GPM6A: variants seen among roughly 807,000 people sequenced by gnomAD.
The protein encoded by GPM6A is glycoprotein M6A.
A neutral mutation model predicts 32.1 loss-of-function variants in GPM6A; 7 were observed. The observed-to-expected ratio is 0.22, with a 90% confidence interval of 0.12 to 0.41. The LOEUF is 0.41. GPM6A is among the 10% of genes least tolerant of loss of function. The pLI, the probability that GPM6A is intolerant of heterozygous loss-of-function variation, is 1.00. For synonymous variants in GPM6A, 130 were observed against 123.4 expected, an observed-to-expected ratio of 1.05 and a Z score of -0.35; for missense variants, 235 against 347.2, an observed-to-expected ratio of 0.68 and a Z score of 2.57.
At chr4:175,893,528 G>A (rs993757137) in intron 1 of GPM6A, among the ~76,000 whole-genome samples, 3 of 151,998 alleles carry the variant, frequency 2.0e-5, no homozygotes, top group African/African-American at 7.2e-5. Flanking sequence ...CCTCCCTTAA[G>A]CTGACTGCCT....
chr4:175,998,951 C>G (rs114715084), intron 1 of GPM6A, among the ~76,000 whole-genome samples: 1 of 152,168 alleles, frequency 6.6e-6, no homozygotes, highest in Admixed American at 6.5e-5. Context: ...CCCATCCTGT[C>G]AATCCAGCTC....
intron 1 of GPM6A, among the ~76,000 whole-genome samples, chr4:175,824,114 C>T (rs1302115030): frequency 2.0e-5 from 3 of 152,156 alleles, no homozygotes; most frequent in African/African-American, 7.2e-5. Flanking sequence ...TCCAGAAACA[C>T]CCGGAAAACA....
chr4:175,658,856 C>A (rs1742237652), intron 3 of GPM6A, among the ~76,000 whole-genome samples: 1 of 152,080 alleles, frequency 6.6e-6, no homozygotes. Flanking sequence ...TAAAAATCAC[C>A]AGTGTCACTG....
chr4:175,807,624 C>T (rs549268786), intron 1 of GPM6A: 4 of 152,288 alleles, frequency 2.6e-5, no homozygotes, highest in African/African-American at 7.2e-5. Context: ...ACTTACAAGT[C>T]GTAGATTGCT....
At position 175,640,189 on chromosome 4, in the gene GPM6A, G is replaced by T. The variant is rs769500100; in HGVS notation, c.624C>A (p.Asn208Lys). The T allele has an allele frequency of 6.2e-7, 1 of 1,613,270 alleles. No individual in the cohort carries two copies. Among genetic ancestry groups the T allele is most frequent in the South Asian group, 1.1e-5 (1 of 91,070 alleles). Residue 208 changes from asparagine (N) to lysine (K), a missense_variant, in exon 6 of 7, where the codon AAC (asparagine) becomes AAA (lysine). This residue lies in a region of GPM6A where 107 missense variants were observed against 116.7 expected (regional missense o/e 0.92). Transcript: ENST00000393658. ...CCACAATAAACAAGTGGAAGGTCAT[G>T]TTCAGCTGCAATGGAAACCACAGAG... ...FLRMCESTEL[N>K]MTFHLFIVAL...
At chr4:175,981,817 G>A (rs995547821) in intron 1 of GPM6A, among the ~76,000 whole-genome samples, 2 of 152,090 alleles carry the variant, frequency 1.3e-5, no homozygotes, top group African/African-American at 4.8e-5. Context: ...ATTTTTCAAA[G>A]TGGTTGTACC....
chr4:175,654,128 C>G (rs1013562996), intron 3 of GPM6A: 1 of 152,174 alleles, frequency 6.6e-6, no homozygotes, highest in African/African-American at 2.4e-5. Flanking sequence ...TGACATAATG[C>G]AGGTCATTTT....
At position 175,890,510 on chromosome 4, in the gene GPM6A, TTTATTTTATTTTATTTTATG is replaced by T. The variant is rs763674318; in HGVS notation, c.-22-78281_-22-78262del. ...GCAATTTTATTTTATTTTATTTTAT[TTTATTTTATTTTATTTTATG>T]TTATGCTATGTTTTTATTTTATTTT... On this transcript the variant is annotated intron_variant, in intron 1 of 7. Transcript: ENST00000280187. Among the ~76,000 whole-genome samples the T allele has an allele frequency of 7.5e-3, 889 of 118,580 alleles. 16 individuals carry two copies. Among genetic ancestry groups the T allele is most frequent in the East Asian group, 0.038 (128 of 3,370 alleles). The allele number at this position is 118,580 out of a possible 152,430, so 77.8% of individuals were successfully genotyped here.
At chr4:175,869,457 A>T (rs185344478) in intron 1 of GPM6A, among the ~76,000 whole-genome samples, 32 of 152,056 alleles carry the variant, frequency 2.1e-4, no homozygotes, top group African/African-American at 7.2e-4. Context: ...TATTTATTTA[A>T]AAAAAAACAA....
chr4:175,872,801 G>A (rs922230632), intron 1 of GPM6A: 7 of 152,076 alleles, frequency 4.6e-5, no homozygotes, highest in Non-Finnish European at 1.0e-4. Context: ...ATGGTATAAC[G>A]CTCCTGTGAA....
In GPM6A at chr4:175,772,629, A is replaced by G. The variant is rs138497682; in HGVS notation, c.37+39562T>C. 4.4e-3 allele frequency among the ~76,000 whole-genome samples: 663 copies of G among 151,766 alleles called. 2 individuals carry two copies. Among genetic ancestry groups the G allele is most frequent in the Middle Eastern group, 0.017 (5 of 292 alleles). On this transcript the variant is annotated intron_variant, in intron 1 of 6. Coordinates refer to ENST00000393658, the MANE Select transcript of GPM6A (RefSeq NM_201591.3). ...ATCCACTCCCTCTGGAGGAAAGAGG[A>G]AAAAAAAATTAAAAGGAAAGGCAGA...
At position 175,902,871 on chromosome 4, in the gene GPM6A, C is replaced by T. The variant is rs569910666; in HGVS notation, c.-22-90622G>A. On this transcript the variant is annotated intron_variant, in intron 1 of 7. Transcript: ENST00000280187. Reference sequence around the variant, plus strand: ...TGGGAAAACGAAACTCAGCTATTACCCCAGATGAACGACACAGCTTCCGTT... The same window carrying T: ...TGGGAAAACGAAACTCAGCTATTACTCCAGATGAACGACACAGCTTCCGTT... 6.6e-5 allele frequency among the ~76,000 whole-genome samples: 10 copies of T among 152,096 alleles called. No homozygotes were observed. The South Asian group carries it at 1.9e-3, about 28-fold the overall frequency.
intron 1 of GPM6A, among the ~76,000 whole-genome samples, chr4:175,909,972 C>T (rs752907917): frequency 1.4e-4 from 22 of 152,266 alleles, no homozygotes; most frequent in South Asian, 6.2e-4. Context: ...ACTGTCACTA[C>T]AGTTTCAGAG....
At chr4:175,779,597 A>G (rs555618315) in intron 1 of GPM6A, among the ~76,000 whole-genome samples, 2 of 152,174 alleles carry the variant, frequency 1.3e-5, no homozygotes, top group Non-Finnish European at 2.9e-5. Context: ...ACTATCACCA[A>G]GCAAAATTAG....
At chr4:175,998,219 T>C (rs1741369420) in intron 1 of GPM6A, among the ~76,000 whole-genome samples, 1 of 152,150 alleles carries the variant, frequency 6.6e-6, no homozygotes, top group Non-Finnish European at 1.5e-5. Context: ...AGTGGCATGA[T>C]CTCGGCTCAC....
At chr4:175,895,351 A>G (rs1323872370) in intron 1 of GPM6A, among the ~76,000 whole-genome samples, 1 of 152,198 alleles carries the variant, frequency 6.6e-6, no homozygotes, top group Non-Finnish European at 1.5e-5. Context: ...AATTTAGGTT[A>G]ATTTCAATTA....
intron 1 of GPM6A, among the ~76,000 whole-genome samples, chr4:175,777,516 CTTT>C (rs1266481578): frequency 6.6e-6 from 1 of 151,830 alleles, no homozygotes; most frequent in African/African-American, 2.4e-5. Flanking sequence ...ACATTCTCTT[CTTT>C]ATTAACTTAG....
chr4:175,792,959 A>G (rs1734069668), intron 1 of GPM6A, among the ~76,000 whole-genome samples: 1 of 152,206 alleles, frequency 6.6e-6, no homozygotes, highest in Non-Finnish European at 1.5e-5. Context: ...CGGGCAGATC[A>G]CTTAAGGCCA....
intron 1 of GPM6A, among the ~76,000 whole-genome samples, chr4:175,832,580 A>T (rs1735648866): frequency 6.6e-6 from 1 of 152,210 alleles, no homozygotes; most frequent in Admixed American, 6.5e-5. Context: ...GGAATTAGTG[A>T]TAGCTGGACC....
Sources: allele counts gnomAD v4.1 joint callset (sites outside exome capture counted in the v4.1 genomes callset), GRCh38; gene constraint gnomAD v4.1.1; regional missense constraint gnomAD v4.1.1; transcripts MANE v1.5; gene names NCBI Gene and HGNC (gene_info 2026-07-23, HGNC 2026-07-21).